TMCO6: variants seen among roughly 807,000 people sequenced by gnomAD.
TMCO6 encodes transmembrane and coiled-coil domains 6.
A neutral mutation model predicts 61.8 loss-of-function variants in TMCO6; 47 were observed. The observed-to-expected ratio is 0.76, with a 90% confidence interval of 0.60 to 0.97. TMCO6 has a LOEUF of 0.97. Among genes scored for constraint, TMCO6 ranks in the 50% least tolerant of loss-of-function variants. The pLI, the probability that TMCO6 is intolerant of heterozygous loss-of-function variation, is 0.00. For missense variants in TMCO6, 557 were observed against 601.6 expected, an observed-to-expected ratio of 0.93 and a Z score of 0.78; for synonymous variants, 261 against 254.2, an observed-to-expected ratio of 1.03 and a Z score of -0.25.
the TMCO6 span, among the ~76,000 whole-genome samples, chr5:140,619,019 G>C: frequency 6.6e-6 from 1 of 152,152 alleles, no homozygotes; most frequent in Non-Finnish European, 1.5e-5. Flanking sequence ...ACATTGCCAA[G>C]AGAATGAAAA....
At chr5:140,643,239 C>T in intron 7 of TMCO6, 198 bp downstream of exon 7, 1 of 762,736 alleles carries the variant, frequency 1.3e-6, no homozygotes, top group South Asian at 1.9e-5. Flanking sequence ...GTCACCCAGG[C>T]TGGATGGAGT....
chr5:140,605,936 T>C, the TMCO6 span, among the ~76,000 whole-genome samples: 1 of 152,118 alleles, frequency 6.6e-6, no homozygotes, highest in South Asian at 2.1e-4. Context: ...AATAAGTGTG[T>C]CCTAGGAATT....
At chr5:140,627,769 G>A in the TMCO6 span, among the ~76,000 whole-genome samples, 229 of 150,374 alleles carry the variant, frequency 1.5e-3, no homozygotes, top group South Asian at 6.3e-3. Context: ...GGTGGCGGGC[G>A]CATGTAGTCC....
the TMCO6 span, among the ~76,000 whole-genome samples, chr5:140,606,438 A>C: frequency 6.6e-6 from 1 of 151,760 alleles, no homozygotes; most frequent in Non-Finnish European, 1.5e-5. Flanking sequence ...AATTTTGTTG[A>C]TCTTTTAAAA....
At chr5:140,633,913 C>T in the TMCO6 span, among the ~76,000 whole-genome samples, 14 of 151,694 alleles carry the variant, frequency 9.2e-5, no homozygotes, top group Non-Finnish European at 1.5e-4. Flanking sequence ...CTCAGCCTCC[C>T]GAGTAGCTGG....
the TMCO6 span, chr5:140,632,864 T>C: frequency 1.2e-6 from 2 of 1,613,930 alleles, no homozygotes; most frequent in Admixed American, 1.7e-5. This position sits in a 1 kb window ranked among gnomAD's most constrained non-coding sequence, Gnocchi z 6.2. Context: ...CGGGCTGAGG[T>C]TCGGAGAAGT....
the TMCO6 span, among the ~76,000 whole-genome samples, chr5:140,604,780 C>CTTTTT: frequency 2.4e-5 from 3 of 124,724 alleles, no homozygotes; most frequent in African/African-American, 8.6e-5. Flanking sequence ...TGTCATTTCT[C>CTTTTT]TTTTTTTTTT....
In TMCO6 at chr5:140,641,775, C is replaced by T; in HGVS notation, c.309C>T (p.Phe103=). ...AGCACCCTGAAACACAGCAAACCTT[C>T]ATCCGGTCAGTGTGGATGGTGTGGT... ...GLQHPETQQT[F]IRLEGSMRTL... Residue 103 remains phenylalanine, a synonymous_variant, in exon 3 of 12, where the codon TTC becomes TTT. Transcript: ENST00000394671. 6.2e-7 allele frequency: 1 copy of T among 1,614,222 alleles called. No individual in the cohort carries two copies. Among genetic ancestry groups the T allele is most frequent in the Non-Finnish European group, 8.5e-7 (1 of 1,180,038 alleles).
Position 140,643,792 on chromosome 5 carries a change from G to A in TMCO6, c.931G>A (p.Val311Met), listed in dbSNP as rs749485111. 1.1e-5 allele frequency: 17 copies of A among 1,613,920 alleles called. No individual in the cohort carries two copies. The highest frequency in any genetic ancestry group is 2.2e-5 in the East Asian group (1 of 44,888). ...DAGLELLACP[V>M]LRCLSNLLTE... Reference sequence around the variant, plus strand: ...TTTGTCTTTGCAGCTGGCATGCCCCGTGCTTCGATGTCTAAGCAACCTGCT... The same window carrying A: ...TTTGTCTTTGCAGCTGGCATGCCCCATGCTTCGATGTCTAAGCAACCTGCT... Residue 311 changes from valine to methionine, a missense_variant, in exon 9 of 12, where the codon GTG becomes ATG. Coordinates refer to ENST00000394671, the MANE Select transcript of TMCO6 (RefSeq NM_018502.5).
chr5:140,637,468 G>A (rs1463979488), upstream of TMCO6, among the ~76,000 whole-genome samples: 2 of 152,118 alleles, frequency 1.3e-5, no homozygotes, highest in South Asian at 2.1e-4. Flanking sequence ...GGTCATTGTG[G>A]TGAACATTCT....
At chr5:140,613,075 T>G in the TMCO6 span, among the ~76,000 whole-genome samples, 1 of 152,098 alleles carries the variant, frequency 6.6e-6, no homozygotes, top group Non-Finnish European at 1.5e-5. Flanking sequence ...AAGAAAATCA[T>G]GCATGATGTT....
At chr5:140,613,411 A>C in the TMCO6 span, among the ~76,000 whole-genome samples, 2 of 111,760 alleles carry the variant, frequency 1.8e-5, no homozygotes, top group African/African-American at 6.5e-5. Flanking sequence ...AAAAAAAAAA[A>C]AAAAATGGTG....
chr5:140,644,625 G>A lies in TMCO6; in HGVS notation c.1253G>A (p.Arg418Gln), dbSNP rs1032741674. The A allele has an allele frequency of 3.5e-5, 57 of 1,614,098 alleles. No homozygotes were observed. In the East Asian group the frequency reaches 8.5e-4, roughly 24 times the overall value. Residue 418 changes from arginine to glutamine, a missense_variant, in exon 11 of 12, where the codon CGG becomes CAG. Arg to Gln is a conservative substitution (Grantham distance 43). Transcript: ENST00000394671. Reference sequence around the variant, plus strand: ...GAAAAGGGTCCTGCTTACTGCCAGCGGCTGTGGCCAGGGCCCCTGCTTCCC... The same window carrying A: ...GAAAAGGGTCCTGCTTACTGCCAGCAGCTGTGGCCAGGGCCCCTGCTTCCC... The part of the protein sequence containing the change: ...VAEKGPAYCQ[R>Q]LWPGPLLPAL...
chr5:140,600,535 G>A, the TMCO6 span, among the ~76,000 whole-genome samples: 1 of 150,626 alleles, frequency 6.6e-6, no homozygotes. Flanking sequence ...GCGCGATCTC[G>A]GCTCACTGCA....
Position 140,639,480 on chromosome 5 carries a change from G to A in TMCO6, c.-48G>A, listed in dbSNP as rs2149788946. 3 of 1,529,890 alleles carry A rather than the reference G, an allele frequency of 2.0e-6. No individual in the cohort carries two copies. The highest frequency in any genetic ancestry group is 2.7e-6 in the Non-Finnish European group (3 of 1,129,440). The allele number at this position is 1,529,890 out of a possible 1,614,324, so 94.8% of individuals were successfully genotyped here. A position where few individuals can be genotyped will look rare whatever the true frequency, so the allele number is the denominator to read the frequency against. On this transcript the variant is annotated 5_prime_UTR_variant, in exon 1 of 12. Transcript: ENST00000394671. ...TCGGTGCCATCTTCTACGCCCCTGG[G>A]AGCGTTGTGGCTGCTGTTTCCTTCG...
upstream of TMCO6, among the ~76,000 whole-genome samples, chr5:140,636,744 C>T (rs1287463043): frequency 6.6e-6 from 1 of 152,088 alleles, no homozygotes; most frequent in African/African-American, 2.4e-5. Context: ...GAAGAGATTG[C>T]AGACTTCATT....
chr5:140,634,560 A>G (rs541920078), upstream of TMCO6, among the ~76,000 whole-genome samples: 1 of 135,534 alleles, frequency 7.4e-6, no homozygotes, highest in African/African-American at 2.8e-5. Flanking sequence ...ATCTTGGCTC[A>G]CTGCAACCTC....
chr5:140,603,560 G>A, the TMCO6 span, among the ~76,000 whole-genome samples: 2 of 152,096 alleles, frequency 1.3e-5, no homozygotes, highest in South Asian at 2.1e-4. Flanking sequence ...TGCCCGCCTC[G>A]GCCTCCGAAA....
At chr5:140,647,433 C>A, downstream of TMCO6, 1 of 1,608,862 alleles carries the variant, frequency 6.2e-7, no homozygotes, top group South Asian at 1.1e-5. Context: ...AGGTCGAGGT[C>A]GTGACCCTGG....
Sources: allele counts gnomAD v4.1 joint callset (sites outside exome capture counted in the v4.1 genomes callset), GRCh38; gene constraint gnomAD v4.1.1; non-coding constraint Gnocchi (gnomAD v3.1); transcripts MANE v1.5; gene names NCBI Gene and HGNC (gene_info 2026-07-23, HGNC 2026-07-21).